The following FRMD4B variants were observed in gnomAD, a reference collection of about 807,000 sequenced individuals.
FRMD4B encodes the protein FERM domain-containing protein 4B.
FRMD4B carries 74 observed loss-of-function variants against 141.5 expected under a neutral mutation model. The ratio of observed to expected loss-of-function variants is 0.52; its 90% CI spans 0.43 to 0.63. FRMD4B has a LOEUF of 0.63. Among genes scored for constraint, FRMD4B ranks in the 30% least tolerant of loss-of-function variants. The probability of loss-of-function intolerance (pLI) is 0.00; values close to 1 mark genes in which losing one functional copy is unlikely to be tolerated. For synonymous variants in FRMD4B, 506 were observed against 467.9 expected, an observed-to-expected ratio of 1.08 and a Z score of -1.05; for missense variants, 1,366 against 1,253.4, an observed-to-expected ratio of 1.09 and a Z score of -1.36.
chr3:69,233,053 G>T (rs554403769), intron 7 of FRMD4B, among the ~76,000 whole-genome samples: 2 of 151,104 alleles, frequency 1.3e-5, no homozygotes, highest in African/African-American at 4.9e-5. Context: ...CACCAGCTCC[G>T]CATTTCACTT....
rs184469899 is a variant in FRMD4B, at chr3:69,194,611, T to C, written c.1488+411A>G. On this transcript the variant is annotated intron_variant, in intron 16 of 22. Transcript: ENST00000398540. ...CATGTATTATCTCATTTAATACTCA[T>C]TGGATCCCGTGGAGGGAAGTCCAAT... 2.9e-3 allele frequency among the ~76,000 whole-genome samples: 442 copies of C among 152,364 alleles called. 2 individuals carry two copies. The highest frequency in any genetic ancestry group is 0.01 in the African/African-American group (424 of 41,576).
At chr3:69,207,439 T>C (rs922561026) in intron 11 of FRMD4B, among the ~76,000 whole-genome samples, 11 of 152,230 alleles carry the variant, frequency 7.2e-5, no homozygotes, top group Non-Finnish European at 1.0e-4. Flanking sequence ...ATCCTATTTA[T>C]GAGCTATCTT....
intron 1 of FRMD4B, among the ~76,000 whole-genome samples, chr3:69,479,228 T>A (rs529924296): frequency 1.1e-3 from 166 of 150,992 alleles, no homozygotes; most frequent in Middle Eastern, 6.8e-3. Context: ...TATTGTTATG[T>A]GTGAATTTGA....
At chr3:69,480,497 C>G (rs1167345203) in intron 1 of FRMD4B, among the ~76,000 whole-genome samples, 1 of 152,174 alleles carries the variant, frequency 6.6e-6, no homozygotes, top group Admixed American at 6.5e-5. Context: ...GCCTGGGTAT[C>G]CGCAGTGGTG....
At chr3:69,436,937 A>G (rs1705270015) in intron 1 of FRMD4B, among the ~76,000 whole-genome samples, 1 of 152,190 alleles carries the variant, frequency 6.6e-6, no homozygotes, top group Non-Finnish European at 1.5e-5. Flanking sequence ...AGTTGAATAC[A>G]CAGAGACAGA....
intron 2 of FRMD4B, among the ~76,000 whole-genome samples, chr3:69,417,332 T>C (rs141421568): frequency 0.012 from 1,895 of 152,340 alleles, 39 homozygotes; most frequent in East Asian, 0.093. Context: ...CATATGTTTG[T>C]TGGCTGCATA....
intron 2 of FRMD4B, among the ~76,000 whole-genome samples, chr3:69,424,157 A>ACTGG (rs1211030251): frequency 6.6e-6 from 1 of 152,240 alleles, no homozygotes; most frequent in Non-Finnish European, 1.5e-5. Flanking sequence ...TTATGTACTG[A>ACTGG]CTGGCTGATG....
intron 2 of FRMD4B, among the ~76,000 whole-genome samples, chr3:69,431,876 TG>T (rs1705185582): frequency 6.6e-6 from 1 of 152,240 alleles, no homozygotes; most frequent in Non-Finnish European, 1.5e-5. Context: ...AGTTCATAGT[TG>T]TGCATATTTT....
intron 1 of FRMD4B, among the ~76,000 whole-genome samples, chr3:69,534,201 C>T (rs1701048169): frequency 6.6e-6 from 1 of 152,070 alleles, no homozygotes; most frequent in African/African-American, 2.4e-5. Flanking sequence ...TGCCATTTTC[C>T]AGTACAATCT....
chr3:69,228,553 C>T (rs1046925934), intron 7 of FRMD4B: 10 of 434,270 alleles, frequency 2.3e-5, no homozygotes, highest in Admixed American at 2.0e-4. Context: ...AGTCAGAGCT[C>T]GCTGGGCATG....
intron 2 of FRMD4B, among the ~76,000 whole-genome samples, chr3:69,402,937 C>T (rs1704592157): frequency 6.6e-6 from 1 of 152,012 alleles, no homozygotes; most frequent in African/African-American, 2.4e-5. Flanking sequence ...GAAGCATAGC[C>T]CTGGAATTTC....
At chr3:69,237,921 A>G (rs1216528830) in intron 7 of FRMD4B, among the ~76,000 whole-genome samples, 5 of 152,172 alleles carry the variant, frequency 3.3e-5, no homozygotes, top group Non-Finnish European at 7.3e-5. Flanking sequence ...TACTAGAGAC[A>G]GGGTTTCACC....
At chr3:69,188,635 T>C (rs1180862034) in intron 18 of FRMD4B, among the ~76,000 whole-genome samples, 1 of 151,610 alleles carries the variant, frequency 6.6e-6, no homozygotes, top group Non-Finnish European at 1.5e-5. Context: ...CGGGCGCCTG[T>C]AGTCCCAGCT....
chr3:69,344,872 G>A (rs1272282095), intron 1 of FRMD4B, among the ~76,000 whole-genome samples: 2 of 152,174 alleles, frequency 1.3e-5, no homozygotes, highest in Admixed American at 1.3e-4. Context: ...CAAGATGGCT[G>A]AACAAGAACA....
At chr3:69,514,396 A>C (rs1700713548) in intron 1 of FRMD4B, among the ~76,000 whole-genome samples, 1 of 152,150 alleles carries the variant, frequency 6.6e-6, no homozygotes, top group African/African-American at 2.4e-5. Flanking sequence ...CTGAAAAAAA[A>C]ATAAAGAAAT....
intron 5 of FRMD4B, among the ~76,000 whole-genome samples, chr3:69,282,629 C>T (rs1183053217): frequency 6.6e-6 from 1 of 152,138 alleles, no homozygotes; most frequent in Non-Finnish European, 1.5e-5. Flanking sequence ...TTGTTACCAG[C>T]CATCTACATT....
chr3:69,388,710 T>C (rs1350038532), upstream of FRMD4B, among the ~76,000 whole-genome samples: 1 of 152,156 alleles, frequency 6.6e-6, no homozygotes, highest in African/African-American at 2.4e-5. Context: ...AAGTAAAATA[T>C]TCTGTATAAG....
chr3:69,477,827 C>G (rs1575816595), intron 1 of FRMD4B, among the ~76,000 whole-genome samples: 2 of 150,770 alleles, frequency 1.3e-5, no homozygotes, highest in African/African-American at 4.9e-5. Context: ...GTGAATCCCT[C>G]TGGTCCTGGA....
chr3:69,298,714 C>T (rs1044292727), intron 4 of FRMD4B, among the ~76,000 whole-genome samples: 1 of 152,210 alleles, frequency 6.6e-6, no homozygotes, highest in Non-Finnish European at 1.5e-5. Flanking sequence ...GTCCTTGTCT[C>T]ATCTCCTGCA....
Sources: gnomAD v4.1 joint callset for allele counts (sites outside exome capture counted in the v4.1 genomes callset) on GRCh38, gnomAD v4.1.1 for gene constraint, MANE v1.5 for transcripts, NCBI Gene and HGNC (gene_info 2026-07-23, HGNC 2026-07-21) for gene names.